FBXW7: variants seen among roughly 807,000 people sequenced by gnomAD.
The protein encoded by FBXW7 is F-box and WD repeat domain containing 7, also known as F-box/WD repeat-containing protein 7.
Under a neutral mutation model 86.3 loss-of-function variants are expected in FBXW7, and 11 were observed. That is an observed-to-expected ratio of 0.13 (90% CI 0.08 to 0.21). The LOEUF is 0.21. FBXW7 is among the 10% of genes least tolerant of loss of function. The pLI is 1.00. For missense variants in FBXW7, 488 were observed against 847.4 expected, an observed-to-expected ratio of 0.58 and a Z score of 5.27; for synonymous variants, 313 against 297.9, an observed-to-expected ratio of 1.05 and a Z score of -0.52.
chr4:152,472,857 A>G (rs565696646), intron 2 of FBXW7, among the ~76,000 whole-genome samples: 93 of 152,304 alleles, frequency 6.1e-4, no homozygotes, highest in African/African-American at 2.2e-3. Flanking sequence ...TAATTAAAAA[A>G]TCTGAATCTC....
At position 152,535,990 on chromosome 4, in the gene FBXW7, TCA is replaced by T. The variant is rs1300262542; in HGVS notation, c.-1078_-1077del. 8.1e-6 allele frequency: 2 copies of T among 248,184 alleles called. No individual in the cohort carries two copies. Among genetic ancestry groups the T allele is most frequent in the Admixed American group, 1.1e-4 (2 of 17,538 alleles). 15.4% of individuals were successfully genotyped at this position (248,184 alleles called of 1,614,324 possible). A position where few individuals can be genotyped will look rare whatever the true frequency, so the allele number is the denominator to read the frequency against. ...GGATCTCTCGGATGCTCCTTCGCTCTCAGTCTCAGCGGCGGCGGCGGCGGCAG... is the reference window on the plus strand; with the variant it reads ...GGATCTCTCGGATGCTCCTTCGCTCTGTCTCAGCGGCGGCGGCGGCGGCAG... On this transcript the variant is annotated 5_prime_UTR_variant, in exon 1 of 14. Coordinates refer to ENST00000281708, the MANE Select transcript of FBXW7 (RefSeq NM_001349798.2).
At chr4:152,534,281 G>A (rs1750269450) in intron 2 of FBXW7, among the ~76,000 whole-genome samples, 1 of 151,416 alleles carries the variant, frequency 6.6e-6, no homozygotes, top group Non-Finnish European at 1.5e-5. Context: ...GGGGGTGAAA[G>A]GGAAAAAATC....
chr4:152,365,914 T>A (rs1171953775), intron 4 of FBXW7, among the ~76,000 whole-genome samples: 1 of 152,224 alleles, frequency 6.6e-6, no homozygotes, highest in East Asian at 1.9e-4. Flanking sequence ...ATTTTTATTC[T>A]GTTTTGATTC....
chr4:152,479,475 G>C, intron 2 of FBXW7, among the ~76,000 whole-genome samples: 1 of 151,936 alleles, frequency 6.6e-6, no homozygotes, highest in East Asian at 1.9e-4. Context: ...ATAGTCTCTC[G>C]CACACACACA....
rs1041284739 is a variant in FBXW7, at chr4:152,535,886, G to C, written c.-972C>G. 13 of 373,570 alleles carry C rather than the reference G, an allele frequency of 3.5e-5. No homozygotes were observed. The highest frequency in any genetic ancestry group is 5.2e-5 in the Non-Finnish European group (11 of 209,950). 23.1% of individuals were successfully genotyped at this position (373,570 alleles called of 1,614,324 possible). ...GCCGCTGCCGGCCGGGAAGGTGAGGGGGGGAAAGGAGTGCGGCCGCGGCTC... is the reference window on the plus strand; with the variant it reads ...GCCGCTGCCGGCCGGGAAGGTGAGGCGGGGAAAGGAGTGCGGCCGCGGCTC... On this transcript the variant is annotated 5_prime_UTR_variant, in exon 1 of 14. Coordinates refer to ENST00000281708, the MANE Select transcript of FBXW7 (RefSeq NM_001349798.2).
intron 2 of FBXW7, among the ~76,000 whole-genome samples, chr4:152,501,765 A>C (rs760742799): frequency 1.3e-5 from 2 of 151,860 alleles, no homozygotes; most frequent in Non-Finnish European, 2.9e-5. Context: ...AAACAAAATT[A>C]CTCTCTTTTT....
chr4:152,344,669 C>A (rs1731085139), intron 6 of FBXW7, among the ~76,000 whole-genome samples: 1 of 151,926 alleles, frequency 6.6e-6, no homozygotes, highest in South Asian at 2.1e-4. Context: ...GCTAAACAAG[C>A]AAACGGTGTA....
At chr4:152,399,846 A>AG (rs1242745798) in intron 4 of FBXW7, among the ~76,000 whole-genome samples, 1 of 152,260 alleles carries the variant, frequency 6.6e-6, no homozygotes, top group African/African-American at 2.4e-5. Context: ...GTTCTTGCAC[A>AG]GGAAGACTCA....
intron 2 of FBXW7, among the ~76,000 whole-genome samples, chr4:152,413,069 C>T (rs1738116517): frequency 6.6e-6 from 1 of 151,962 alleles, no homozygotes. Context: ...AAATTATGCA[C>T]CCGTGATCTA....
chr4:152,381,545 T>C (rs1231662932), intron 4 of FBXW7, among the ~76,000 whole-genome samples: 1 of 152,114 alleles, frequency 6.6e-6, no homozygotes, highest in Non-Finnish European at 1.5e-5. Context: ...TTAACAGGGT[T>C]AAAACTTGTT....
intron 2 of FBXW7, among the ~76,000 whole-genome samples, chr4:152,428,261 G>C (rs188559950): frequency 6.6e-6 from 1 of 152,256 alleles, no homozygotes; most frequent in Admixed American, 6.5e-5. Context: ...AATTTCACTT[G>C]TGAGGCAAAC....
At chr4:152,400,749 G>A (rs1736853732) in intron 4 of FBXW7, among the ~76,000 whole-genome samples, 2 of 152,152 alleles carry the variant, frequency 1.3e-5, no homozygotes, top group African/African-American at 4.8e-5. Flanking sequence ...TCAGCTCTCT[G>A]AAAGACACTG....
At chr4:152,381,520 A>T (rs989268393) in intron 4 of FBXW7, among the ~76,000 whole-genome samples, 2 of 152,094 alleles carry the variant, frequency 1.3e-5, no homozygotes, top group Non-Finnish European at 2.9e-5. Flanking sequence ...CAGGAAATAC[A>T]AAAAATTGCT....
chr4:152,348,729 T>C, intron 5 of FBXW7: 1 of 1,167,562 alleles, frequency 8.6e-7, no homozygotes. Context: ...AAAAATAGCA[T>C]TAACAGTTAG....
At chr4:152,466,643 T>C (rs543355726) in intron 2 of FBXW7, among the ~76,000 whole-genome samples, 144 of 152,140 alleles carry the variant, frequency 9.5e-4, no homozygotes, top group African/African-American at 3.3e-3. Context: ...CAAAATATCA[T>C]TGCTTAAAAA....
chr4:152,372,081 A>C (rs1042971414), intron 4 of FBXW7, among the ~76,000 whole-genome samples: 5 of 152,054 alleles, frequency 3.3e-5, no homozygotes, highest in African/African-American at 1.2e-4. Flanking sequence ...TCATTTAAAG[A>C]ATAAGTCTAT....
chr4:152,517,218 G>GT (rs1211921993), intron 2 of FBXW7, among the ~76,000 whole-genome samples: 2 of 152,004 alleles, frequency 1.3e-5, no homozygotes, highest in African/African-American at 4.8e-5. Context: ...TGGAGGGGTG[G>GT]TTTTTTTAAA....
At chr4:152,481,556 A>G (rs1262871262) in intron 2 of FBXW7, among the ~76,000 whole-genome samples, 1 of 152,190 alleles carries the variant, frequency 6.6e-6, no homozygotes, top group East Asian at 1.9e-4. Context: ...CCTCTGATAG[A>G]TGTGGGCAAA....
intron 4 of FBXW7, among the ~76,000 whole-genome samples, chr4:152,384,104 C>G (rs1209454927): frequency 1.3e-5 from 2 of 152,112 alleles, no homozygotes; most frequent in African/African-American, 4.8e-5. Flanking sequence ...AATGTAGCTG[C>G]TGTAGAAAAT....
Sources: allele counts gnomAD v4.1 joint callset (sites outside exome capture counted in the v4.1 genomes callset), GRCh38; gene constraint gnomAD v4.1.1; transcripts MANE v1.5; gene names NCBI Gene and HGNC (gene_info 2026-07-23, HGNC 2026-07-21).